Variants in ADHFE1 observed in about 807,000 individuals in gnomAD.
The protein encoded by ADHFE1 is alcohol dehydrogenase iron containing 1, also known as hydroxyacid-oxoacid transhydrogenase, mitochondrial.
In ADHFE1, 37 loss-of-function variants were observed where a neutral mutation model predicts 54.8. The observed-to-expected ratio is 0.68, with a 90% CI of 0.52 to 0.89. ADHFE1 has a LOEUF of 0.89. ADHFE1 is among the 40% of genes least tolerant of loss of function. ADHFE1 has a pLI of 0.00. For missense variants in ADHFE1, 601 were observed against 591.2 expected (o/e 1.02, Z -0.17); for synonymous variants, 203 against 229.3 (o/e 0.89, Z 1.04).
At chr8:66,443,657 G>C (rs935320515) in intron 3 of ADHFE1, among the ~76,000 whole-genome samples, 11 of 144,450 alleles carry the variant, frequency 7.6e-5, no homozygotes, top group Non-Finnish European at 3.1e-5. Flanking sequence ...GCCATGGTGA[G>C]CTCACTGAAG....
chr8:66,461,693 A>G (rs1390373908), intron 13 of ADHFE1, among the ~76,000 whole-genome samples: 1 of 151,848 alleles, frequency 6.6e-6, no homozygotes, highest in Admixed American at 6.6e-5. Flanking sequence ...ATCACCAAGC[A>G]GAAGATCAGG....
intron 9 of ADHFE1, 54 bp downstream of exon 9, chr8:66,452,159 C>G: frequency 6.3e-7 from 1 of 1,590,500 alleles, no homozygotes; most frequent in Non-Finnish European, 8.6e-7. Flanking sequence ...ATTCTGCCAG[C>G]ACGTGAAACA....
intron 13 of ADHFE1, among the ~76,000 whole-genome samples, chr8:66,463,820 G>A (rs901158235): frequency 1.3e-5 from 2 of 152,186 alleles, no homozygotes; most frequent in African/African-American, 2.4e-5. Context: ...AGCAGTGAAG[G>A]ATTGGTTTTC....
chr8:66,450,371 A>G (rs1175419848), intron 8 of ADHFE1, among the ~76,000 whole-genome samples: 1 of 152,256 alleles, frequency 6.6e-6, no homozygotes, highest in Non-Finnish European at 1.5e-5. Flanking sequence ...AGGCAGGAGA[A>G]TAATGGCAGT....
chr8:66,450,067 G>A (rs765072547), intron 8 of ADHFE1, among the ~76,000 whole-genome samples: 1 of 152,234 alleles, frequency 6.6e-6, no homozygotes, highest in Non-Finnish European at 1.5e-5. Flanking sequence ...CAAGCAGGAG[G>A]TGACAGAGTT....
At chr8:66,451,242 G>A (rs747390806) in intron 8 of ADHFE1, among the ~76,000 whole-genome samples, 1 of 152,140 alleles carries the variant, frequency 6.6e-6, no homozygotes, top group African/African-American at 2.4e-5. Flanking sequence ...CTGAGTTTAC[G>A]GTACATAAGA....
At position 66,432,512 on chromosome 8, in the gene ADHFE1, GCGCCATGGCCGCTGC is replaced by G; in HGVS notation, c.1_15del (p.MetAlaAlaAlaAla1_?5). On this transcript the variant is annotated start_lost and 5_prime_UTR_variant, in exon 1 of 14. Coordinates refer to ENST00000396623, the MANE Select transcript of ADHFE1 (RefSeq NM_144650.3). ...ACCCGAGGAGGGAAGAGGACTCCAA[GCGCCATGGCCGCTGC>G]CGCCCGAGCCCGGGTCGCGTACTTG... is the stretch of plus-strand genomic sequence containing the variant. 7.3e-7 allele frequency: 1 copy of G among 1,368,562 alleles called. No homozygotes were observed. Among genetic ancestry groups the G allele is most frequent in the Non-Finnish European group, 9.5e-7 (1 of 1,051,384 alleles). The allele number at this position is 1,368,562 out of a possible 1,614,324, so 84.8% of individuals were successfully genotyped here. A position where few individuals can be genotyped will look rare whatever the true frequency, so the allele number is the denominator to read the frequency against.
intron 8 of ADHFE1, 141 bp downstream of exon 8, chr8:66,449,111 A>C (rs1806173913): frequency 2.7e-6 from 2 of 730,670 alleles, no homozygotes; most frequent in Non-Finnish European, 2.2e-6. Flanking sequence ...CCCCTGTCCT[A>C]AATCAAACAT....
At chr8:66,460,285 A>G (rs1458591783) in intron 12 of ADHFE1, 23 bp from the exon 13 acceptor site, 14 of 1,613,292 alleles carry the variant, frequency 8.7e-6, no homozygotes, top group Non-Finnish European at 1.2e-5. Flanking sequence ...CTCTCCCTAC[A>G]GTCAGCACTT....
intron 11 of ADHFE1, 26 bp from the exon 12 acceptor site, chr8:66,457,044 G>T: frequency 3.1e-6 from 5 of 1,604,316 alleles, no homozygotes; most frequent in African/African-American, 1.3e-5. Flanking sequence ...GTCATCTGCC[G>T]GTCACCGCAT....
chr8:66,468,038 CG>C (rs1334681547), intron 13 of ADHFE1, among the ~76,000 whole-genome samples: 16 of 151,994 alleles, frequency 1.1e-4, no homozygotes, highest in African/African-American at 3.9e-4. Flanking sequence ...GTTGCCAGGG[CG>C]TAAGGCAAGG....
intron 10 of ADHFE1, among the ~76,000 whole-genome samples, chr8:66,456,528 A>G (rs1806595052): frequency 6.6e-6 from 1 of 152,230 alleles, no homozygotes; most frequent in African/African-American, 2.4e-5. Flanking sequence ...TTGAGATCGT[A>G]ATGTTAACTA....
At chr8:66,462,022 G>A (rs548490710) in intron 13 of ADHFE1, among the ~76,000 whole-genome samples, 16 of 152,334 alleles carry the variant, frequency 1.1e-4, no homozygotes, top group African/African-American at 3.6e-4. Context: ...CTACCAGCCT[G>A]TAAGTCCTGT....
At chr8:66,435,134 G>A (rs1805397990) in intron 1 of ADHFE1, among the ~76,000 whole-genome samples, 1 of 152,200 alleles carries the variant, frequency 6.6e-6, no homozygotes, top group African/African-American at 2.4e-5. Flanking sequence ...GCTGTTGAAA[G>A]TTATTACAGA....
intron 13 of ADHFE1, among the ~76,000 whole-genome samples, chr8:66,460,981 A>G (rs192732904): frequency 1.9e-4 from 29 of 152,326 alleles, no homozygotes; most frequent in Admixed American, 1.8e-3. Context: ...CTGTGTCACT[A>G]TGGGTCTGAT....
At chr8:66,442,547 G>A (rs1314483605) in intron 2 of ADHFE1, among the ~76,000 whole-genome samples, 2 of 151,930 alleles carry the variant, frequency 1.3e-5, no homozygotes, top group Admixed American at 6.6e-5. Context: ...TCCTGACCTC[G>A]TGATCCACCC....
Position 66,439,615 on chromosome 8 carries a change from T to A in ADHFE1, c.60-547T>A, listed in dbSNP as rs556640840. ...AGAGCTCGGAGCCCGGGGCTGCAAC[T>A]GGGCAGAGAAAGATGGGGACCAGGG... On this transcript the variant is annotated intron_variant, in intron 1 of 13. Transcript: ENST00000396623. This position sits in a 1 kb window ranked among gnomAD's most constrained non-coding sequence, Gnocchi z 4.4. The A allele has an allele frequency of 7.7e-5, 76 of 985,776 alleles. 1 individual carries two copies. The African/African-American group carries it at 1.3e-3, about 16-fold the overall frequency. The allele number at this position is 985,776 out of a possible 1,614,324, so 61.1% of individuals were successfully genotyped here. A position where few individuals can be genotyped will look rare whatever the true frequency, so the allele number is the denominator to read the frequency against.
intron 13 of ADHFE1, among the ~76,000 whole-genome samples, chr8:66,464,153 A>G (rs929960403): frequency 2.0e-5 from 3 of 152,188 alleles, no homozygotes; most frequent in Non-Finnish European, 4.4e-5. Context: ...TTCCCATGTT[A>G]ATGAGTTGTC....
chr8:66,438,541 C>T (rs1452619447), intron 1 of ADHFE1, among the ~76,000 whole-genome samples: 1 of 152,074 alleles, frequency 6.6e-6, no homozygotes, highest in African/African-American at 2.4e-5. Flanking sequence ...GCTACGAGGT[C>T]TGAGAAGTGA....
Sources: allele counts gnomAD v4.1 joint callset (sites outside exome capture counted in the v4.1 genomes callset), GRCh38; gene constraint gnomAD v4.1.1; non-coding constraint Gnocchi (gnomAD v3.1); transcripts MANE v1.5; gene names NCBI Gene and HGNC (gene_info 2026-07-23, HGNC 2026-07-21).